The following ADAM10 variants were observed in gnomAD, a reference collection of about 807,000 sequenced individuals.
The protein encoded by ADAM10 is ADAM metallopeptidase domain 10, also known as disintegrin and metalloproteinase domain-containing protein 10.
A neutral mutation model predicts 90.1 loss-of-function variants in ADAM10; 17 were observed. The observed-to-expected ratio is 0.19, with a 90% CI of 0.13 to 0.28. ADAM10 has a LOEUF of 0.28. Among genes scored for constraint, ADAM10 ranks in the 10% least tolerant of loss-of-function variants. The probability of loss-of-function intolerance (pLI) is 1.00; values close to 1 mark genes in which losing one functional copy is unlikely to be tolerated. For missense variants in ADAM10, 610 were observed against 914.3 expected, an observed-to-expected ratio of 0.67 and a Z score of 4.29; for synonymous variants, 310 against 298.6, an observed-to-expected ratio of 1.04 and a Z score of -0.40.
At chr15:58,616,398 A>C (rs79414848) in intron 11 of ADAM10, among the ~76,000 whole-genome samples, 1,984 of 152,352 alleles carry the variant, frequency 0.013, 56 homozygotes, top group African/African-American at 0.045. Context: ...ACAATTATCA[A>C]CAGATGTTCA....
At chr15:58,599,763 C>G in intron 14 of ADAM10, 39 bp from the exon 15 acceptor site, 1 of 1,442,974 alleles carries the variant, frequency 6.9e-7, no homozygotes, top group Non-Finnish European at 9.6e-7. Flanking sequence ...AAAAAAAAAA[C>G]TACAAAATAT....
intron 5 of ADAM10, among the ~76,000 whole-genome samples, chr15:58,654,944 G>A (rs772331076): frequency 2.0e-5 from 3 of 152,138 alleles, no homozygotes; most frequent in Non-Finnish European, 4.4e-5. Flanking sequence ...TCCAGGTGCT[G>A]AGGAGAAAAA....
At chr15:58,748,671 G>A (rs1007755389) in intron 1 of ADAM10, 22 of 355,906 alleles carry the variant, frequency 6.2e-5, no homozygotes, top group African/African-American at 3.4e-4. Context: ...CCCAGGGACC[G>A]AACTTCTACT....
intron 1 of ADAM10, chr15:58,747,561 A>G (rs1899831176): frequency 6.6e-6 from 1 of 152,214 alleles, no homozygotes; most frequent in African/African-American, 2.4e-5. Flanking sequence ...AGATAAAAAT[A>G]CCCCATAGTT....
intron 5 of ADAM10, among the ~76,000 whole-genome samples, chr15:58,652,879 TTC>T (rs1229915144): frequency 6.6e-5 from 10 of 152,252 alleles, no homozygotes; most frequent in Admixed American, 6.5e-4. Flanking sequence ...TTCCATTTTT[TTC>T]TGTCTTCTTC....
At chr15:58,748,678 TACTCTAAGAG>T in intron 1 of ADAM10, 1 of 362,860 alleles carries the variant, frequency 2.8e-6, no homozygotes. Context: ...ACCGAACTTC[TACTCTAAGAG>T]ACCCAATCCA....
At chr15:58,667,759 CTT>C (rs113725859) in intron 4 of ADAM10, among the ~76,000 whole-genome samples, 1 of 144,090 alleles carries the variant, frequency 6.9e-6, no homozygotes, top group Non-Finnish European at 1.5e-5. Context: ...AAAGGATAGG[CTT>C]TTTTTTTTTT....
chr15:58,598,343 T>A (rs1895013014), intron 15 of ADAM10, among the ~76,000 whole-genome samples: 2 of 152,236 alleles, frequency 1.3e-5, no homozygotes, highest in Admixed American at 6.5e-5. Context: ...CATGTGGCCC[T>A]TAGAACTTCC....
At chr15:58,673,621 CTATT>C (rs1191179514) in intron 4 of ADAM10, among the ~76,000 whole-genome samples, 2 of 151,836 alleles carry the variant, frequency 1.3e-5, no homozygotes, top group Admixed American at 6.6e-5. Context: ...AACTGTTATC[CTATT>C]TATATAACGT....
At chr15:58,650,663 T>C (rs191230401) in intron 5 of ADAM10, among the ~76,000 whole-genome samples, 2 of 152,328 alleles carry the variant, frequency 1.3e-5, no homozygotes, top group East Asian at 1.9e-4. Flanking sequence ...TCTAGCTGTA[T>C]ACTTTTTTCT....
intron 2 of ADAM10, among the ~76,000 whole-genome samples, chr15:58,711,721 T>C (rs1166727312): frequency 1.3e-5 from 2 of 152,124 alleles, no homozygotes; most frequent in Admixed American, 1.3e-4. Context: ...ATATGAAGAA[T>C]GAAAAGGTTT....
rs558396374 is a variant in ADAM10 at position 58,677,839 on chromosome 15, G to A, written c.484+1285C>T. ...CCTGCTGCACAGACAAATGATACTTGCAATATTACAGGAGCAAAAGAAACA... is the reference window on the plus strand; with the variant it reads ...CCTGCTGCACAGACAAATGATACTTACAATATTACAGGAGCAAAAGAAACA... On this transcript the variant is annotated intron_variant, in intron 4 of 15. Transcript: ENST00000260408. 6.0e-4 allele frequency among the ~76,000 whole-genome samples: 92 copies of A among 152,176 alleles called. 2 individuals are homozygous for A. In the Middle Eastern group the frequency reaches 0.014, roughly 23 times the overall value.
intron 9 of ADAM10, among the ~76,000 whole-genome samples, chr15:58,632,693 A>C (rs1247586828): frequency 6.6e-6 from 1 of 152,234 alleles, no homozygotes; most frequent in African/African-American, 2.4e-5. Flanking sequence ...AGATTTTAAA[A>C]TATCAATCTC....
In ADAM10 at chr15:58,643,840, G is replaced by A. The variant is rs1002550904; in HGVS notation, c.828+46C>T. 3 of 1,342,370 alleles carry A rather than the reference G, an allele frequency of 2.2e-6. No homozygotes were observed. The Admixed American group carries it at 5.0e-5, about 23-fold the overall frequency. The allele number at this position is 1,342,370 out of a possible 1,614,324, so 83.2% of individuals were successfully genotyped here. On this transcript the variant is annotated intron_variant, in intron 7 of 15. Coordinates refer to ENST00000260408, the MANE Select transcript of ADAM10 (RefSeq NM_001110.4). ...TTGTGTGTGTGTGTAAACATAGTCT[G>A]GACTGTTTCACTTTTTAAGTGTTTT...
At position 58,725,542 on chromosome 15, in the gene ADAM10, A is replaced by T. The variant is rs190006440; in HGVS notation, c.56-7815T>A. ...CAAAGTGAGACCCTGTCTCAAAAAT[A>T]AAAATTAAAATTAAAAATATAAATA... On this transcript the variant is annotated intron_variant, in intron 1 of 15. Coordinates refer to ENST00000260408, the MANE Select transcript of ADAM10 (RefSeq NM_001110.4). Among the ~76,000 whole-genome samples the T allele has an allele frequency of 2.5e-4, 38 of 151,730 alleles. No homozygotes were observed. The East Asian group carries it at 5.8e-3, about 23-fold the overall frequency.
rs202104148 is a variant in ADAM10, at chr15:58,679,189, G to A, written c.419C>T (p.Ala140Val). The A allele has an allele frequency of 2.5e-6, 4 of 1,613,948 alleles. No individual in the cohort carries two copies. The highest frequency in any genetic ancestry group is 3.4e-6 in the Non-Finnish European group (4 of 1,179,954). ...AGTTCGGTCTTTAATATATCTCTCT[G>A]CTGGCTCAACATAAAATGTGCCACC... Reference protein sequence around the residue: ...TRGGTFYVEPAERYIKDRTLP... With the variant: ...TRGGTFYVEPVERYIKDRTLP... Residue 140 changes from alanine (A) to valine (V), a missense_variant, in exon 4 of 16, where the codon GCA becomes GTA. Ala to Val is a moderately conservative substitution (Grantham distance 64). Around this residue, in one of 4 missense-constraint regions of ADAM10, gnomAD observed 310 missense variants for 362.4 expected, o/e 0.86. Coordinates refer to ENST00000260408, the MANE Select transcript of ADAM10 (RefSeq NM_001110.4).
At chr15:58,700,742 A>T (rs758105101) in intron 2 of ADAM10, among the ~76,000 whole-genome samples, 2 of 152,128 alleles carry the variant, frequency 1.3e-5, no homozygotes, top group African/African-American at 2.4e-5. Context: ...AAGGTGACTC[A>T]GTGACTCAGT....
chr15:58,707,081 TG>T (rs35135158), intron 2 of ADAM10, among the ~76,000 whole-genome samples: 19 of 47,228 alleles, frequency 4.0e-4, no homozygotes, highest in Non-Finnish European at 2.3e-4. Context: ...CTATAAACTT[TG>T]GGGGGGGGAA....
intron 15 of ADAM10, among the ~76,000 whole-genome samples, chr15:58,598,366 A>C (rs148421520): frequency 1.3e-5 from 2 of 152,220 alleles, no homozygotes; most frequent in Non-Finnish European, 2.9e-5. Context: ...AAATACTAAC[A>C]TAAGTTCCAG....
Sources: gnomAD v4.1 joint callset for allele counts (sites outside exome capture counted in the v4.1 genomes callset) on GRCh38, gnomAD v4.1.1 for gene constraint, gnomAD v4.1.1 regional missense constraint, MANE v1.5 for transcripts, NCBI Gene and HGNC (gene_info 2026-07-23, HGNC 2026-07-21) for gene names.